Variants in STK3 observed in about 807,000 individuals in gnomAD.
STK3 encodes serine/threonine-protein kinase 3.
Under a neutral mutation model 58.0 loss-of-function variants are expected in STK3, and 41 were observed. That is an observed-to-expected ratio of 0.71 (90% CI 0.55 to 0.92). STK3 has a LOEUF of 0.92. Among genes scored for constraint, STK3 ranks in the 40% least tolerant of loss-of-function variants. The pLI, the probability that STK3 is intolerant of heterozygous loss-of-function variation, is 0.00. For missense variants in STK3, 479 were observed against 602.7 expected (o/e 0.79, Z 2.15); for synonymous variants, 170 against 191.0 (o/e 0.89, Z 0.91).
intron 9 of STK3, among the ~76,000 whole-genome samples, chr8:98,541,432 A>C (rs1810270694): frequency 6.6e-6 from 1 of 152,028 alleles, no homozygotes; most frequent in South Asian, 2.1e-4. Flanking sequence ...TTCCACCATG[A>C]TTGCAGGTTT....
chr8:98,452,745 C>T (rs559058865), downstream of STK3, among the ~76,000 whole-genome samples: 4 of 146,582 alleles, frequency 2.7e-5, no homozygotes, highest in Non-Finnish European at 6.0e-5. Flanking sequence ...CAAGGCTTAA[C>T]TAGACTTGAA....
chr8:98,637,795 A>C (rs1819727654), intron 6 of STK3, among the ~76,000 whole-genome samples: 2 of 152,192 alleles, frequency 1.3e-5, no homozygotes, highest in Admixed American at 6.6e-5. Flanking sequence ...CCCACACAAA[A>C]AAAGATGGTC....
At chr8:98,432,698 A>G (rs542980377) in intron 3 of STK3, 1 of 167,212 alleles carries the variant, frequency 6.0e-6, no homozygotes, top group Admixed American at 6.5e-5. Context: ...TGTGTTAGCT[A>G]CTTGAAGGCG....
chr8:98,392,880 T>C (rs559280989), upstream of STK3, among the ~76,000 whole-genome samples: 1 of 152,274 alleles, frequency 6.6e-6, no homozygotes, highest in South Asian at 2.1e-4. Context: ...AAAACATCAC[T>C]ATGACCCTTG....
intron 6 of STK3, among the ~76,000 whole-genome samples, chr8:98,691,702 G>A (rs1012323896): frequency 3.3e-5 from 5 of 152,126 alleles, no homozygotes; most frequent in African/African-American, 1.2e-4. Context: ...GGGAAGCCAA[G>A]GTGGGTGAAT....
chr8:98,446,941 C>T (rs780893426), intron 1 of STK3, among the ~76,000 whole-genome samples: 2 of 152,110 alleles, frequency 1.3e-5, no homozygotes, highest in African/African-American at 4.8e-5. Flanking sequence ...TTTGTGAGGA[C>T]ATGGATGGAG....
chr8:98,439,078 C>T (rs1349392462), intron 1 of STK3: 1 of 152,146 alleles, frequency 6.6e-6, no homozygotes, highest in African/African-American at 2.4e-5. Context: ...CTCGTGTTGT[C>T]TCACTGCATC....
chr8:98,441,119 G>A (rs538497914), intron 1 of STK3, among the ~76,000 whole-genome samples: 1 of 152,304 alleles, frequency 6.6e-6, no homozygotes, highest in African/African-American at 2.4e-5. Context: ...CACGATAGTT[G>A]AAATCAAAGA....
intron 1 of STK3, among the ~76,000 whole-genome samples, chr8:98,792,155 T>C (rs899066401): frequency 5.3e-5 from 8 of 152,066 alleles, no homozygotes; most frequent in Admixed American, 5.2e-4. Flanking sequence ...AGGACATGAA[T>C]AGACAATTCT....
At chr8:98,468,911 C>A (rs1371285119) in intron 10 of STK3, among the ~76,000 whole-genome samples, 2 of 151,998 alleles carry the variant, frequency 1.3e-5, no homozygotes, top group Admixed American at 1.3e-4. Context: ...GAGATCGAGA[C>A]CATCCTGGAC....
chr8:98,700,327 C>A (rs1408008144), intron 6 of STK3, among the ~76,000 whole-genome samples: 2 of 152,238 alleles, frequency 1.3e-5, no homozygotes, highest in African/African-American at 4.8e-5. Flanking sequence ...CCGAGTGAGG[C>A]AATGCCTCGC....
intron 9 of STK3, among the ~76,000 whole-genome samples, chr8:98,541,345 T>G (rs915952736): frequency 4.6e-5 from 7 of 152,068 alleles, no homozygotes; most frequent in African/African-American, 1.4e-4. Flanking sequence ...GATCTGGTTG[T>G]TTAAAAGTGT....
At chr8:98,616,726 T>G (rs535918082) in intron 6 of STK3, among the ~76,000 whole-genome samples, 12 of 151,772 alleles carry the variant, frequency 7.9e-5, no homozygotes, top group Middle Eastern at 3.4e-3. Context: ...GGCCATTACA[T>G]AATGGTAAAG....
At chr8:98,665,279 G>A (rs775602039) in intron 6 of STK3, among the ~76,000 whole-genome samples, 2 of 152,202 alleles carry the variant, frequency 1.3e-5, no homozygotes, top group Non-Finnish European at 2.9e-5. Context: ...TACAAAGGCA[G>A]TTCTTTCTAT....
intron 4 of STK3, among the ~76,000 whole-genome samples, chr8:98,747,461 A>G (rs1563959170): frequency 2.6e-5 from 4 of 152,210 alleles, no homozygotes; most frequent in African/African-American, 4.8e-5. Context: ...AGACTCGTCA[A>G]ATTTTTGAAA....
chr8:98,613,449 A>G (rs1299343809), intron 6 of STK3, among the ~76,000 whole-genome samples: 1 of 152,210 alleles, frequency 6.6e-6, no homozygotes, highest in Non-Finnish European at 1.5e-5. Flanking sequence ...AAATGCTTCA[A>G]TGAACAATCA....
chr8:98,575,657 A>T (rs565984898), intron 8 of STK3, among the ~76,000 whole-genome samples: 6 of 151,452 alleles, frequency 4.0e-5, no homozygotes, highest in Admixed American at 1.3e-4. Flanking sequence ...TCTTTTAAAC[A>T]GATGGGGTCT....
chr8:98,428,900 G>A lies in STK3; in HGVS notation n.483+5227C>T. The A allele has an allele frequency of 6.2e-7, 1 of 1,614,162 alleles. No homozygotes were observed. On this transcript the variant is annotated intron_variant and non_coding_transcript_variant, in intron 3 of 3. Coordinates refer to the STK3 transcript ENST00000517832. The surrounding 1 kb of genome is among the most constrained non-coding windows in gnomAD (Gnocchi z 6.7). ...TGATGCGGATCTTCCGCATCTTAAA[G>A]CTGGCCAGGCACTCCACTGGCCTCC...
intron 10 of STK3, among the ~76,000 whole-genome samples, chr8:98,520,095 T>G (rs1362966625): frequency 3.3e-5 from 5 of 152,112 alleles, no homozygotes; most frequent in Non-Finnish European, 4.4e-5. Context: ...CACTAAACAA[T>G]CTGGATGTTA....
Sources: allele counts gnomAD v4.1 joint callset (sites outside exome capture counted in the v4.1 genomes callset), GRCh38; gene constraint gnomAD v4.1.1; non-coding constraint Gnocchi (gnomAD v3.1); transcripts MANE v1.5; gene names NCBI Gene and HGNC (gene_info 2026-07-23, HGNC 2026-07-21).